TNPO1: variants seen among roughly 807,000 people sequenced by gnomAD.
TNPO1 encodes transportin 1.
TNPO1 carries 8 observed loss-of-function variants against 119.5 expected under a neutral mutation model. The observed-to-expected ratio is 0.07, with a 90% CI of 0.04 to 0.12. The LOEUF (loss-of-function observed/expected upper bound fraction) is 0.12, where lower values mean the gene tolerates loss of function less well. Ranked by LOEUF, TNPO1 falls within the 10% of genes least tolerant of loss-of-function variation. The probability of loss-of-function intolerance (pLI) is 1.00; values close to 1 mark genes in which losing one functional copy is unlikely to be tolerated. For missense variants in TNPO1, 576 were observed against 1,089.8 expected, an observed-to-expected ratio of 0.53 and a Z score of 6.64; for synonymous variants, 362 against 363.0, an observed-to-expected ratio of 1.00 and a Z score of 0.03.
rs1750388337 is a variant in TNPO1, at chr5:72,909,208, A to G, written c.*535A>G. Reference sequence around the variant, plus strand: ...TTTGCATGTTGATGAAGAACTACACAAAGAAAACTAATATAGTTAAAAGTC... The same window carrying G: ...TTTGCATGTTGATGAAGAACTACACGAAGAAAACTAATATAGTTAAAAGTC... On this transcript the variant is annotated 3_prime_UTR_variant, in exon 25 of 25. Coordinates refer to ENST00000337273, the MANE Select transcript of TNPO1 (RefSeq NM_002270.4). 6.5e-6 allele frequency: 1 copy of G among 153,600 alleles called. No individual in the cohort carries two copies. Among genetic ancestry groups the G allele is most frequent in the East Asian group, 1.9e-4 (1 of 5,210 alleles). 9.5% of individuals were successfully genotyped at this position (153,600 alleles called of 1,614,324 possible). A position where few individuals can be genotyped will look rare whatever the true frequency, so the allele number is the denominator to read the frequency against.
At chr5:72,817,404 G>A (rs1262567028) in intron 1 of TNPO1, among the ~76,000 whole-genome samples, 1 of 152,230 alleles carries the variant, frequency 6.6e-6, no homozygotes, top group Admixed American at 6.5e-5. Context: ...CAAGCAACAG[G>A]GAACAGCTGC....
chr5:72,837,589 A>G (rs1490374403), intron 1 of TNPO1, among the ~76,000 whole-genome samples: 1 of 152,220 alleles, frequency 6.6e-6, no homozygotes, highest in Non-Finnish European at 1.5e-5. Flanking sequence ...ATGACAAGTT[A>G]AACAGTCCAT....
intron 1 of TNPO1, among the ~76,000 whole-genome samples, chr5:72,837,843 TA>T (rs1385845030): frequency 1.4e-4 from 22 of 152,184 alleles, no homozygotes; most frequent in Admixed American, 1.4e-3. Flanking sequence ...ACAATTTTCC[TA>T]AAAAAGACAG....
chr5:72,851,841 T>C (rs1745600489), intron 3 of TNPO1, among the ~76,000 whole-genome samples: 1 of 152,214 alleles, frequency 6.6e-6, no homozygotes, highest in South Asian at 2.1e-4. Flanking sequence ...ACTTAATTCT[T>C]TGCAGATGAA....
intron 1 of TNPO1, among the ~76,000 whole-genome samples, chr5:72,819,067 A>G (rs1302427801): frequency 6.6e-6 from 1 of 152,228 alleles, no homozygotes; most frequent in Non-Finnish European, 1.5e-5. Context: ...TGGGTCATTT[A>G]TAAAGAGAAG....
chr5:72,893,304 G>A (rs1749198547), intron 16 of TNPO1, 58 bp downstream of exon 16: 1 of 1,604,226 alleles, frequency 6.2e-7, no homozygotes, highest in East Asian at 2.2e-5. Context: ...TCTAAAGATA[G>A]GTATAATGTA....
intron 12 of TNPO1, 56 bp from the exon 13 acceptor site, chr5:72,888,022 A>G (rs1748780716): frequency 3.3e-6 from 5 of 1,528,418 alleles, no homozygotes; most frequent in African/African-American, 1.4e-5. Flanking sequence ...TTTCATAATC[A>G]ACCAAAATAA....
intron 5 of TNPO1, among the ~76,000 whole-genome samples, chr5:72,863,018 G>A (rs266439): frequency 1.1e-4 from 17 of 151,042 alleles, no homozygotes; most frequent in Non-Finnish European, 1.9e-4. Flanking sequence ...GTGTGTGTGT[G>A]TGTGTGTGGT....
Position 72,903,757 on chromosome 5 carries a change from G to A in TNPO1, c.2563G>A (p.Asp855Asn). The change falls in exon 23 of 25, where the codon GAT becomes AAT. Residue 855 changes from aspartate to asparagine, a missense_variant. Asp to Asn is a conservative substitution (Grantham distance 23). Coordinates refer to ENST00000337273, the MANE Select transcript of TNPO1 (RefSeq NM_002270.4). ...DAVASWINPKDDLRDMFCKIL... is the reference protein window; with the variant it reads ...DAVASWINPKNDLRDMFCKIL... ...CGTTGCATCATGGATTAACCCAAAA[G>A]ATGATCTCAGAGACATGTTCTGTAA... is the stretch of plus-strand genomic sequence containing the variant. 1 of 1,608,658 alleles carries A rather than the reference G, an allele frequency of 6.2e-7. No individual in the cohort carries two copies. Among genetic ancestry groups the A allele is most frequent in the Non-Finnish European group, 8.5e-7 (1 of 1,177,308 alleles).
chr5:72,847,940 A>C (rs990471471), intron 1 of TNPO1, among the ~76,000 whole-genome samples: 4 of 152,256 alleles, frequency 2.6e-5, no homozygotes, highest in Non-Finnish European at 4.4e-5. Context: ...TAATATACCC[A>C]AAACAGATCT....
intron 22 of TNPO1, among the ~76,000 whole-genome samples, chr5:72,902,691 AC>A (rs1392370995): frequency 6.6e-6 from 1 of 152,178 alleles, no homozygotes; most frequent in East Asian, 1.9e-4. Context: ...TAAAATTGTT[AC>A]CAACTTAAGA....
chr5:72,834,636 C>A (rs1295227253), intron 1 of TNPO1, among the ~76,000 whole-genome samples: 1 of 152,122 alleles, frequency 6.6e-6, no homozygotes, highest in Non-Finnish European at 1.5e-5. Flanking sequence ...TTAAAAGAGT[C>A]AAAACTTTTA....
chr5:72,888,955 G>C (rs1748855842), intron 13 of TNPO1, among the ~76,000 whole-genome samples: 1 of 151,950 alleles, frequency 6.6e-6, no homozygotes, highest in Admixed American at 6.6e-5. Flanking sequence ...ATTTTAAAAG[G>C]GCCTTCTGCT....
Position 72,905,384 on chromosome 5 carries a change from C to T in TNPO1, c.2671C>T (p.Arg891Cys), listed in dbSNP as rs1268132390. The change falls in exon 24 of 25, where the codon CGT (arginine) becomes TGT (cysteine). Residue 891 changes from arginine to cysteine, a missense_variant. By Grantham distance (180) the Arg-to-Cys change is radical. Around this residue, in one of 6 missense-constraint regions of TNPO1, gnomAD observed 162 missense variants for 294.1 expected, o/e 0.55. Transcript: ENST00000337273. ...CCAGTTTCCTCTTCCCTTAAAAGAG[C>T]GTCTTGCAGCTTTTTATGGTGTTTA... ...SDQFPLPLKERLAAFYGV is the reference protein window; with the variant it reads ...SDQFPLPLKECLAAFYGV The T allele has an allele frequency of 1.9e-6, 3 of 1,611,188 alleles. No homozygotes were observed. Among genetic ancestry groups the T allele is most frequent in the East Asian group, 2.2e-5 (1 of 44,850 alleles).
rs1750675028 is a variant in TNPO1 at position 72,913,187 on chromosome 5, A to G, written c.*4514A>G. On this transcript the variant is annotated 3_prime_UTR_variant, in exon 25 of 25. Coordinates refer to ENST00000337273, the MANE Select transcript of TNPO1 (RefSeq NM_002270.4). ...GTTGTATACCAACTTAGTGCATTTT[A>G]TACTGTATTAAATATGGAGATACTT... is the stretch of plus-strand genomic sequence containing the variant. 6.6e-6 allele frequency: 1 copy of G among 152,496 alleles called. No homozygotes were observed. The highest frequency in any genetic ancestry group is 2.4e-5 in the African/African-American group (1 of 41,440). 9.4% of individuals were successfully genotyped at this position (152,496 alleles called of 1,614,324 possible).
At chr5:72,851,149 A>ATACCACC (rs1745517716) in intron 2 of TNPO1, 95 bp from the exon 3 acceptor site, 1 of 769,212 alleles carries the variant, frequency 1.3e-6, no homozygotes, top group Non-Finnish European at 2.2e-6. Context: ...AGGACTGAAA[A>ATACCACC]TACCACCAAA....
chr5:72,822,789 C>T (rs538027986), intron 1 of TNPO1, among the ~76,000 whole-genome samples: 1 of 151,790 alleles, frequency 6.6e-6, no homozygotes, highest in South Asian at 2.1e-4. Flanking sequence ...GATGGGGTTT[C>T]ACTGTGCTGT....
intron 11 of TNPO1, among the ~76,000 whole-genome samples, chr5:72,886,518 C>A (rs2112435331): frequency 6.6e-6 from 1 of 152,258 alleles, no homozygotes; most frequent in East Asian, 1.9e-4. Context: ...AGACAGAATT[C>A]TAGTATGACA....
intron 4 of TNPO1, among the ~76,000 whole-genome samples, chr5:72,859,656 T>C (rs999408122): frequency 2.0e-5 from 3 of 152,218 alleles, no homozygotes; most frequent in African/African-American, 7.2e-5. Flanking sequence ...TTCTCTTGTT[T>C]AGAGAGTATA....
Sources: allele counts gnomAD v4.1 joint callset (sites outside exome capture counted in the v4.1 genomes callset), GRCh38; gene constraint gnomAD v4.1.1; regional missense constraint gnomAD v4.1.1; transcripts MANE v1.5; gene names NCBI Gene and HGNC (gene_info 2026-07-23, HGNC 2026-07-21).